The following AEBP1 variants were observed in gnomAD, a reference collection of about 807,000 sequenced individuals.
AEBP1 encodes adipocyte enhancer-binding protein 1.
Under a neutral mutation model 116.5 loss-of-function variants are expected in AEBP1, and 69 were observed. The ratio of observed to expected loss-of-function variants is 0.59; its 90% CI spans 0.49 to 0.72. The LOEUF (loss-of-function observed/expected upper bound fraction) is 0.72. Among genes scored for constraint, AEBP1 ranks in the 30% least tolerant of loss-of-function variants. AEBP1 has a pLI of 0.00. For missense variants in AEBP1, 1,444 were observed against 1,557.5 expected, an observed-to-expected ratio of 0.93 and a Z score of 1.23; for synonymous variants, 627 against 627.3, an observed-to-expected ratio of 1.00 and a Z score of 0.01.
rs377231955 is a variant in AEBP1 at position 44,114,307 on chromosome 7, C to T, written c.*46C>T. On this transcript the variant is annotated 3_prime_UTR_variant, in exon 21 of 21. Transcript: ENST00000223357. ...CCCAGCCCAACTCAAGCTACAGCAGCAGCACTTCCCAAGCCTGCTGACCAC... is the reference window on the plus strand; with the variant it reads ...CCCAGCCCAACTCAAGCTACAGCAGTAGCACTTCCCAAGCCTGCTGACCAC... The T allele has an allele frequency of 8.1e-6, 13 of 1,597,728 alleles. No homozygotes were observed. Among genetic ancestry groups the T allele is most frequent in the Non-Finnish European group, 1.1e-5 (13 of 1,167,840 alleles).
chr7:44,104,641 G>A lies in AEBP1; in HGVS notation c.-25G>A, dbSNP rs901700807. The A allele has an allele frequency of 1.6e-5, 23 of 1,421,288 alleles. 2 individuals are homozygous for A. The African/African-American group carries it at 2.9e-4, about 18-fold the overall frequency. The allele number at this position is 1,421,288 out of a possible 1,614,324, so 88.0% of individuals were successfully genotyped here. ...GCCCCTGACCCCCCGCGCCCTCCCC[G>A]GAGCCCCCCGCGCGTGCCGCGGCCA... On this transcript the variant is annotated 5_prime_UTR_variant, in exon 1 of 21. Transcript: ENST00000223357.
rs575579923 is a variant in AEBP1, at chr7:44,112,074, C to T, written c.2037+24C>T. On this transcript the variant is annotated intron_variant, in intron 16 of 20. Transcript: ENST00000223357. This position sits in a 1 kb window ranked among gnomAD's most constrained non-coding sequence, Gnocchi z 6.6. The stretch of plus-strand genomic sequence containing the variant: ...TGGTGGGTTGAAGGGTGAGGCTGGC[C>T]AGGGTCCAGGCAGCTGGGGGTTGTG... 4.4e-6 allele frequency: 7 copies of T among 1,607,740 alleles called. No homozygotes were observed. In the East Asian group the frequency reaches 1.6e-4, roughly 36 times the overall value.
intron 1 of AEBP1, 84 bp downstream of exon 1, chr7:44,105,002 C>A: frequency 8.7e-7 from 1 of 1,154,922 alleles, no homozygotes. Flanking sequence ...TGGCCACTCC[C>A]CAGTCTGCTA....
rs748420024 is a variant in AEBP1, at chr7:44,107,668, A to G, written c.707A>G (p.Asn236Ser). Residue 236 changes from asparagine to serine, a missense_variant, in exon 4 of 21, where the codon AAT (asparagine) becomes AGT (serine). Physicochemically the swap from Asn to Ser is conservative, Grantham distance 46. Transcript: ENST00000223357. The surrounding 1 kb of genome is among the most constrained non-coding windows in gnomAD (Gnocchi z 4.3). ...ACCGAGCAACCCACACTGGACTACA[A>G]TGACCAGATCGAGAGGGAGGACTAT... ...EETEQPTLDY[N>S]DQIEREDYED... 51 of 1,613,550 alleles carry G rather than the reference A, an allele frequency of 3.2e-5. No individual in the cohort carries two copies. In the South Asian group the frequency reaches 5.5e-4, roughly 17 times the overall value.
intron 1 of AEBP1, 98 bp downstream of exon 1, chr7:44,105,016 G>T (rs552503100): frequency 9.4e-7 from 1 of 1,068,872 alleles, no homozygotes; most frequent in South Asian, 1.7e-5. Context: ...TCTGCTAGGG[G>T]AGGAATGGCT....
intron 9 of AEBP1, 68 bp from the exon 10 acceptor site, chr7:44,109,947 T>G: frequency 6.9e-7 from 1 of 1,448,014 alleles, no homozygotes; most frequent in Admixed American, 1.9e-5. Context: ...TCTGGGCTCC[T>G]TGGTTCTGGG....
In AEBP1 at chr7:44,113,150, G is replaced by T; in HGVS notation, c.2709+20G>T. The T allele has an allele frequency of 6.2e-7, 1 of 1,613,772 alleles. No homozygotes were observed. Among genetic ancestry groups the T allele is most frequent in the Non-Finnish European group, 8.5e-7 (1 of 1,179,866 alleles). On this transcript the variant is annotated intron_variant, in intron 19 of 20. Coordinates refer to ENST00000223357, the MANE Select transcript of AEBP1 (RefSeq NM_001129.5). The surrounding 1 kb of genome is among the most constrained non-coding windows in gnomAD (Gnocchi z 5.3). Reference sequence around the variant, plus strand: ...GAGCAGGTGGGGTGGCTAGGGCAATGCCTGGGGAGAGGAGGCTGCACAGGC... The same window carrying T: ...GAGCAGGTGGGGTGGCTAGGGCAATTCCTGGGGAGAGGAGGCTGCACAGGC...
chr7:44,107,608 C>A lies in AEBP1; in HGVS notation c.668-21C>A. On this transcript the variant is annotated intron_variant, in intron 3 of 20. Coordinates refer to ENST00000223357, the MANE Select transcript of AEBP1 (RefSeq NM_001129.5). This position sits in a 1 kb window ranked among gnomAD's most constrained non-coding sequence, Gnocchi z 4.3. Reference sequence around the variant, plus strand: ...AGGCCTGGGTGGGGTTGTCAGGCAGCTACCAGCGCTTTCCCCTCAGAGCCG... The same window carrying A: ...AGGCCTGGGTGGGGTTGTCAGGCAGATACCAGCGCTTTCCCCTCAGAGCCG... 1 of 1,613,566 alleles carries A rather than the reference C, an allele frequency of 6.2e-7. No homozygotes were observed. The highest frequency in any genetic ancestry group is 1.1e-5 in the South Asian group (1 of 91,070).
Position 44,111,890 on chromosome 7 carries a change from G to A in AEBP1, c.1877G>A (p.Gly626Asp). 1 of 1,613,706 alleles carries A rather than the reference G, an allele frequency of 6.2e-7. No individual in the cohort carries two copies. The highest frequency in any genetic ancestry group is 8.5e-7 in the Non-Finnish European group (1 of 1,179,994). ...PEFRYTAGIH[G>D]NEVLGRELLL... The stretch of plus-strand genomic sequence containing the variant: ...TTCCGCTACACTGCTGGGATCCATG[G>A]CAACGAGGTGCTGGGCCGAGAGCTG... The change falls in exon 16 of 21, where the codon GGC (glycine) becomes GAC (aspartate). Residue 626 changes from glycine (G) to aspartate (D), a missense_variant. Transcript: ENST00000223357. The surrounding 1 kb of genome is among the most constrained non-coding windows in gnomAD (Gnocchi z 4.7).
chr7:44,113,663 A>T lies in AEBP1; in HGVS notation c.2879A>T (p.Tyr960Phe). The T allele has an allele frequency of 6.2e-7, 1 of 1,613,890 alleles. No homozygotes were observed. The highest frequency in any genetic ancestry group is 1.1e-5 in the South Asian group (1 of 91,086). ...CGCGTGACAGCCCACGCGGAGGGCTACACCCCGAGCGCCAAGACCTGCAAT... is the reference window on the plus strand; with the variant it reads ...CGCGTGACAGCCCACGCGGAGGGCTTCACCCCGAGCGCCAAGACCTGCAAT... ...EYRVTAHAEG[Y>F]TPSAKTCNVD... Residue 960 changes from tyrosine (Y) to phenylalanine (F), a missense_variant, in exon 21 of 21, where the codon TAC becomes TTC. Physicochemically the swap from Tyr to Phe is conservative, Grantham distance 22 (BLOSUM62 3). Coordinates refer to ENST00000223357, the MANE Select transcript of AEBP1 (RefSeq NM_001129.5). The surrounding 1 kb of genome is among the most constrained non-coding windows in gnomAD (Gnocchi z 5.3).
At chr7:44,106,274 G>C (rs1193438570) in intron 1 of AEBP1, 1 of 630,768 alleles carries the variant, frequency 1.6e-6, no homozygotes, top group South Asian at 1.5e-5. Flanking sequence ...TGGCAGGTGG[G>C]GGGATGAGGG....
chr7:44,111,321 G>T lies in AEBP1; in HGVS notation c.1716+82G>T. The T allele has an allele frequency of 1.4e-6, 2 of 1,423,504 alleles. No homozygotes were observed. The highest frequency in any genetic ancestry group is 1.9e-6 in the Non-Finnish European group (2 of 1,071,444). 88.2% of individuals were successfully genotyped at this position (1,423,504 alleles called of 1,614,324 possible). On this transcript the variant is annotated intron_variant, in intron 14 of 20. Transcript: ENST00000223357. This position sits in a 1 kb window ranked among gnomAD's most constrained non-coding sequence, Gnocchi z 4.7. ...GTGTGCCTGGTGCTTCTGTCACTGGGCCCAGTCCCTACTGGTTCCAGGGAT... is the reference window on the plus strand; with the variant it reads ...GTGTGCCTGGTGCTTCTGTCACTGGTCCCAGTCCCTACTGGTTCCAGGGAT...
chr7:44,111,950 A>T lies in AEBP1; in HGVS notation c.1937A>T (p.Tyr646Phe), dbSNP rs750273743. The T allele has an allele frequency of 6.2e-7, 1 of 1,613,870 alleles. No individual in the cohort carries two copies. The highest frequency in any genetic ancestry group is 8.5e-7 in the Non-Finnish European group (1 of 1,180,018). Residue 646 changes from tyrosine to phenylalanine, a missense_variant, in exon 16 of 21, where the codon TAC (tyrosine) becomes TTC (phenylalanine). By Grantham distance (22) the Tyr-to-Phe change is conservative. Coordinates refer to ENST00000223357, the MANE Select transcript of AEBP1 (RefSeq NM_001129.5). This position sits in a 1 kb window ranked among gnomAD's most constrained non-coding sequence, Gnocchi z 4.7. ...CTCATGCAGTACCTGTGCCGAGAGT[A>T]CCGCGATGGGAACCCACGTGTGCGC... ...LLLMQYLCRE[Y>F]RDGNPRVRSL...
At position 44,110,281 on chromosome 7, in the gene AEBP1, G is replaced by A. The variant is rs140926602; in HGVS notation, c.1335G>A (p.Glu445=). 6.1e-5 allele frequency: 98 copies of A among 1,613,774 alleles called. No individual in the cohort carries two copies. In the African/African-American group the frequency reaches 1.1e-3, roughly 18 times the overall value. ...ACGATGCCAGGACCCAGTGGATAGA[G>A]GTGGACACCAGGAGGACTACCCGGT... ...AEDDARTQWI[E]VDTRRTTRFT... Residue 445 remains glutamate (E), a synonymous_variant, in exon 11 of 21, where the codon GAG becomes GAA. Transcript: ENST00000223357.
rs761287382 is a variant in AEBP1 at position 44,108,129 on chromosome 7, G to C, written c.940+45G>C. The C allele has an allele frequency of 1.3e-6, 2 of 1,549,056 alleles. No homozygotes were observed. Among genetic ancestry groups the C allele is most frequent in the South Asian group, 2.4e-5 (2 of 84,370 alleles). On this transcript the variant is annotated intron_variant, in intron 6 of 20. Transcript: ENST00000223357. The surrounding 1 kb of genome is among the most constrained non-coding windows in gnomAD (Gnocchi z 5.0). ...GAGTCTGAGGGACATAGGCAGGTGG[G>C]GGTCGGGGCTGGGGTGTGGTCAGGA...
intron 9 of AEBP1, 113 bp downstream of exon 9, chr7:44,109,454 T>C: frequency 1.6e-6 from 2 of 1,258,404 alleles, no homozygotes; most frequent in East Asian, 2.5e-5. Flanking sequence ...CCTTTCCTAC[T>C]CAGATTCTTG....
In AEBP1 at chr7:44,104,571, C is replaced by G. The variant is rs919326767; in HGVS notation, c.-95C>G. 2.5e-6 allele frequency: 2 copies of G among 810,196 alleles called. No homozygotes were observed. The highest frequency in any genetic ancestry group is 7.9e-4 in the Middle Eastern group (2 of 2,522). The allele number at this position is 810,196 out of a possible 1,614,324, so 50.2% of individuals were successfully genotyped here. A position where few individuals can be genotyped will look rare whatever the true frequency, so the allele number is the denominator to read the frequency against. On this transcript the variant is annotated 5_prime_UTR_variant, in exon 1 of 21. Transcript: ENST00000223357. Reference sequence around the variant, plus strand: ...TCTCTCCCGCCCCTTCCTGGATTCCCTCACCCGTCTCGATCCCCTCTCCGC... The same window carrying G: ...TCTCTCCCGCCCCTTCCTGGATTCCGTCACCCGTCTCGATCCCCTCTCCGC...
At position 44,107,995 on chromosome 7, in the gene AEBP1, C is replaced by T. The variant is rs1172657818; in HGVS notation, c.863-12C>T. The T allele has an allele frequency of 1.3e-5, 20 of 1,576,838 alleles. No individual in the cohort carries two copies. The highest frequency in any genetic ancestry group is 1.7e-5 in the Non-Finnish European group (20 of 1,162,878). On this transcript the variant is annotated splice_polypyrimidine_tract_variant and intron_variant, in intron 5 of 20. Coordinates refer to ENST00000223357, the MANE Select transcript of AEBP1 (RefSeq NM_001129.5). The surrounding 1 kb of genome is among the most constrained non-coding windows in gnomAD (Gnocchi z 4.3). ...GCGCTCTGGCCCCCTCCTAACCTCCCCGCCTCCCCAGAGCCTCCTGTGAAG... is the reference window on the plus strand; with the variant it reads ...GCGCTCTGGCCCCCTCCTAACCTCCTCGCCTCCCCAGAGCCTCCTGTGAAG...
In AEBP1 at chr7:44,108,758, C is replaced by A. The variant is rs2096225645; in HGVS notation, c.941-141C>A. 2.7e-6 allele frequency: 2 copies of A among 742,606 alleles called. No homozygotes were observed. Among genetic ancestry groups the A allele is most frequent in the Non-Finnish European group, 4.5e-6 (2 of 445,928 alleles). The allele number at this position is 742,606 out of a possible 1,614,324, so 46.0% of individuals were successfully genotyped here. On this transcript the variant is annotated intron_variant, in intron 6 of 20. Coordinates refer to ENST00000223357, the MANE Select transcript of AEBP1 (RefSeq NM_001129.5). This position sits in a 1 kb window ranked among gnomAD's most constrained non-coding sequence, Gnocchi z 5.0. ...CGGGCTGCTCCTGACTCCTGCAAGA[C>A]CCTCTCCCAACTCAGCTGTCCCCCA...
Sources: gnomAD v4.1 joint callset for allele counts on GRCh38, gnomAD v4.1.1 for gene constraint, Gnocchi (gnomAD v3.1) non-coding constraint, MANE v1.5 for transcripts, NCBI Gene and HGNC (gene_info 2026-07-23, HGNC 2026-07-21) for gene names.